The following DLG2 variants were observed in gnomAD, a reference collection of about 807,000 sequenced individuals.
DLG2 encodes the protein discs large MAGUK scaffold protein 2.
Under a neutral mutation model 132.5 loss-of-function variants are expected in DLG2, and 45 were observed. That is an observed-to-expected ratio of 0.34 (90% confidence interval 0.27 to 0.44). The LOEUF is 0.44. Ranked by LOEUF, DLG2 falls within the 20% of genes least tolerant of loss-of-function variation. The pLI is 1.00. For missense variants in DLG2, 1,045 were observed against 1,196.9 expected (o/e 0.87, Z 1.87); for synonymous variants, 424 against 419.6 (o/e 1.01, Z -0.13).
chr11:84,442,028 G>C, intron 7 of DLG2, among the ~76,000 whole-genome samples: 1 of 152,160 alleles, frequency 6.6e-6, no homozygotes, highest in South Asian at 2.1e-4. Flanking sequence ...TAGTCTTATA[G>C]TATAGTTTGA....
intron 4 of DLG2, among the ~76,000 whole-genome samples, chr11:85,157,222 G>A (rs1345039232): frequency 6.6e-6 from 1 of 152,152 alleles, no homozygotes; most frequent in East Asian, 1.9e-4. Context: ...TCAGCTTGCA[G>A]ATGGCCATTG....
intron 19 of DLG2, among the ~76,000 whole-genome samples, chr11:83,605,007 C>CAGAGGGAGAGAGAGAGAGAGAGAG: frequency 7.7e-6 from 1 of 129,834 alleles, no homozygotes; most frequent in Non-Finnish European, 1.7e-5. Flanking sequence ...TTTTCAAAGA[C>CAGAGGGAGAGAGAGAGAGAGAGAG]AGAGAGAGAG....
At chr11:84,387,981 A>G (rs1375285240) in intron 7 of DLG2, among the ~76,000 whole-genome samples, 1 of 152,154 alleles carries the variant, frequency 6.6e-6, no homozygotes, top group Non-Finnish European at 1.5e-5. Context: ...TTTAGTGTGG[A>G]GATGATTTCT....
intron 18 of DLG2, among the ~76,000 whole-genome samples, chr11:83,765,467 G>T (rs2094104950): frequency 6.6e-6 from 1 of 152,122 alleles, no homozygotes; most frequent in African/African-American, 2.4e-5. Flanking sequence ...GCTCTTGATT[G>T]TTGTTTAATA....
At chr11:84,548,572 GT>G (rs1435891178) in intron 6 of DLG2, among the ~76,000 whole-genome samples, 1 of 152,030 alleles carries the variant, frequency 6.6e-6, no homozygotes, top group African/African-American at 2.4e-5. Context: ...GAGAATGATG[GT>G]TTCCAGCTTC....
chr11:84,714,537 T>A (rs1398411583), intron 6 of DLG2, among the ~76,000 whole-genome samples: 1 of 104,848 alleles, frequency 9.5e-6, no homozygotes, highest in Non-Finnish European at 1.7e-5. Context: ...CTCTTTCTCT[T>A]TCTCTTTCTC....
At chr11:85,397,462 G>T (rs777239186) in intron 3 of DLG2, among the ~76,000 whole-genome samples, 4 of 152,074 alleles carry the variant, frequency 2.6e-5, no homozygotes, top group African/African-American at 4.8e-5. Context: ...CAAAATGCCC[G>T]ATTTAAAAGA....
chr11:85,103,805 A>G (rs2071261694), intron 6 of DLG2, among the ~76,000 whole-genome samples: 1 of 151,986 alleles, frequency 6.6e-6, no homozygotes, highest in African/African-American at 2.4e-5. Context: ...AGGAGAAAAT[A>G]TCTGCAGATC....
intron 14 of DLG2, among the ~76,000 whole-genome samples, chr11:83,940,200 C>T (rs1415513084): frequency 6.6e-6 from 1 of 152,180 alleles, no homozygotes; most frequent in East Asian, 1.9e-4. Context: ...CTTCCTTCCA[C>T]CCCTAAACAT....
intron 6 of DLG2, among the ~76,000 whole-genome samples, chr11:84,935,297 G>C (rs181344535): frequency 2.6e-5 from 4 of 152,236 alleles, no homozygotes; most frequent in Non-Finnish European, 5.9e-5. Context: ...ATCTATGAAA[G>C]AGATCTTTTC....
intron 4 of DLG2, among the ~76,000 whole-genome samples, chr11:85,156,564 C>T (rs1352758978): frequency 3.3e-5 from 5 of 152,056 alleles, no homozygotes; most frequent in Non-Finnish European, 4.4e-5. Flanking sequence ...CCTCTTTGGT[C>T]CCATGAACTA....
At position 83,897,940 on chromosome 11, in the gene DLG2, G is replaced by A. The variant is rs900245247; in HGVS notation, c.1497-23452C>T. Among the ~76,000 whole-genome samples the A allele has an allele frequency of 3.3e-5, 5 of 152,028 alleles. No homozygotes were observed. The South Asian group carries it at 8.3e-4, about 25-fold the overall frequency. On this transcript the variant is annotated intron_variant, in intron 15 of 27. Coordinates refer to ENST00000376104, the MANE Select transcript of DLG2 (RefSeq NM_001142699.3). ...CCCCATTTTGCGATGAAGAAACTGA[G>A]GCTTGGAAAGGTAAAATACTTTGTC...
intron 7 of DLG2, among the ~76,000 whole-genome samples, chr11:84,505,825 A>T (rs2099237685): frequency 6.6e-6 from 1 of 152,162 alleles, no homozygotes; most frequent in Non-Finnish European, 1.5e-5. Flanking sequence ...TAGAATGAAA[A>T]ACAAAAAAAT....
chr11:83,682,907 A>G (rs1398817761), intron 18 of DLG2, among the ~76,000 whole-genome samples: 1 of 152,260 alleles, frequency 6.6e-6, no homozygotes, highest in East Asian at 1.9e-4. Context: ...AGAAAGATAA[A>G]GTGACTTGCC....
intron 8 of DLG2, among the ~76,000 whole-genome samples, chr11:84,242,388 A>C (rs1011457710): frequency 1.3e-5 from 2 of 152,038 alleles, no homozygotes; most frequent in African/African-American, 4.8e-5. Context: ...GCTTTTAAAA[A>C]ATCATCCCAA....
chr11:84,923,740 G>A (rs146415046), intron 6 of DLG2, among the ~76,000 whole-genome samples: 37 of 152,234 alleles, frequency 2.4e-4, no homozygotes, highest in African/African-American at 8.2e-4. Context: ...ACCAGGACCA[G>A]AGGATCATTG....
chr11:84,043,070 A>G (rs1462446900), intron 11 of DLG2, among the ~76,000 whole-genome samples: 1 of 151,650 alleles, frequency 6.6e-6, no homozygotes, highest in African/African-American at 2.4e-5. Context: ...TCTGATTTTA[A>G]ACTTGGCCAT....
At chr11:84,521,699 T>C (rs1019464721) in intron 7 of DLG2, among the ~76,000 whole-genome samples, 2 of 152,190 alleles carry the variant, frequency 1.3e-5, no homozygotes, top group East Asian at 1.9e-4. Context: ...ATAAATATGT[T>C]GAATGAGTAG....
chr11:85,158,549 A>G (rs1247178268), intron 4 of DLG2, among the ~76,000 whole-genome samples: 1 of 152,216 alleles, frequency 6.6e-6, no homozygotes, highest in Non-Finnish European at 1.5e-5. Flanking sequence ...TTGTGAGGGC[A>G]GCACCTGCAT....
Sources: gnomAD v4.1 joint callset for allele counts (sites outside exome capture counted in the v4.1 genomes callset) on GRCh38, gnomAD v4.1.1 for gene constraint, MANE v1.5 for transcripts, NCBI Gene and HGNC (gene_info 2026-07-23, HGNC 2026-07-21) for gene names.